The following ERI3 variants were observed in gnomAD, a reference collection of about 807,000 sequenced individuals.
The protein encoded by ERI3 is ERI1 exoribonuclease 3.
A neutral mutation model predicts 44.4 loss-of-function variants in ERI3; 18 were observed. That is an observed-to-expected ratio of 0.41 (90% CI 0.28 to 0.60). The LOEUF (loss-of-function observed/expected upper bound fraction) is 0.60, where lower values mean the gene tolerates loss of function less well. Ranked by LOEUF, ERI3 falls within the 20% of genes least tolerant of loss-of-function variation. ERI3 has a pLI of 0.36. For synonymous variants in ERI3, 183 were observed against 164.8 expected (o/e 1.11, Z -0.84); for missense variants, 294 against 435.5 (o/e 0.68, Z 2.89).
chr1:44,221,544 C>T lies in ERI3; in HGVS notation c.*14G>A, dbSNP rs866832331. ...AACAGCTACCCTGTCCTGCCCCATCCTGTCCTCGGCCAATCAGAACGGCTT... is the reference window on the plus strand; with the variant it reads ...AACAGCTACCCTGTCCTGCCCCATCTTGTCCTCGGCCAATCAGAACGGCTT... On this transcript the variant is annotated 3_prime_UTR_variant, in exon 9 of 9. Coordinates refer to ENST00000372257, the MANE Select transcript of ERI3 (RefSeq NM_024066.3). The surrounding 1 kb of genome is among the most constrained non-coding windows in gnomAD (Gnocchi z 5.9). 1.7e-5 allele frequency: 27 copies of T among 1,612,054 alleles called. No homozygotes were observed. In the Middle Eastern group the frequency reaches 6.6e-4, roughly 40 times the overall value.
At chr1:44,317,381 G>A (rs1325237413) in intron 4 of ERI3, among the ~76,000 whole-genome samples, 1 of 152,212 alleles carries the variant, frequency 6.6e-6, no homozygotes, top group Non-Finnish European at 1.5e-5. Flanking sequence ...GCCTCTCGGA[G>A]ATACAATTCC....
chr1:44,300,418 C>T (rs531404616), intron 6 of ERI3, among the ~76,000 whole-genome samples: 3 of 152,288 alleles, frequency 2.0e-5, no homozygotes, highest in Admixed American at 1.3e-4. Context: ...CTGTCTGCCA[C>T]GGAGGGGTTG....
chr1:44,245,097 G>A (rs79339259), intron 8 of ERI3, among the ~76,000 whole-genome samples: 1,850 of 152,256 alleles, frequency 0.012, 72 homozygotes, highest in East Asian at 0.069. Flanking sequence ...CTGACCCCCA[G>A]GGCTGGGAAG....
intron 2 of ERI3, among the ~76,000 whole-genome samples, chr1:44,349,051 T>C (rs1010446364): frequency 6.6e-5 from 10 of 152,236 alleles, no homozygotes; most frequent in Non-Finnish European, 2.9e-5. Flanking sequence ...GGAGGAATGC[T>C]GGTCACACTT....
chr1:44,254,098 A>G (rs1273291471), intron 7 of ERI3, among the ~76,000 whole-genome samples: 3 of 152,132 alleles, frequency 2.0e-5, no homozygotes, highest in Non-Finnish European at 4.4e-5. Context: ...CTTCTAGACT[A>G]TTCTTCCTCT....
chr1:44,281,924 G>GTA (rs1484681123), intron 7 of ERI3, among the ~76,000 whole-genome samples: 4 of 142,480 alleles, frequency 2.8e-5, no homozygotes, highest in Non-Finnish European at 6.0e-5. Context: ...GTGTGTGTGT[G>GTA]TGTATGTATT....
intron 6 of ERI3, among the ~76,000 whole-genome samples, chr1:44,307,267 C>T (rs1386789581): frequency 6.6e-6 from 1 of 152,128 alleles, no homozygotes; most frequent in Non-Finnish European, 1.5e-5. Flanking sequence ...GGGTACATAA[C>T]TTCACCTCAA....
intron 8 of ERI3, among the ~76,000 whole-genome samples, chr1:44,240,777 C>T (rs1160874121): frequency 6.6e-6 from 1 of 152,186 alleles, no homozygotes; most frequent in Non-Finnish European, 1.5e-5. Flanking sequence ...CCCAGTGGGG[C>T]CTAGGCCTGG....
intron 2 of ERI3, among the ~76,000 whole-genome samples, chr1:44,350,100 A>G (rs1646859301): frequency 6.6e-6 from 1 of 152,224 alleles, no homozygotes; most frequent in Non-Finnish European, 1.5e-5. Flanking sequence ...ATATAGAATG[A>G]GGACAATTTC....
chr1:44,320,952 G>C (rs751037922), intron 3 of ERI3, among the ~76,000 whole-genome samples: 3 of 152,132 alleles, frequency 2.0e-5, no homozygotes, highest in East Asian at 3.8e-4. Flanking sequence ...CCCTTCCCCA[G>C]GTCCTTCATT....
At chr1:44,263,596 T>A (rs569811128) in intron 7 of ERI3, among the ~76,000 whole-genome samples, 54 of 152,220 alleles carry the variant, frequency 3.5e-4, no homozygotes, top group African/African-American at 1.2e-3. Context: ...GCTTCCACAC[T>A]CTCTAAGCAA....
chr1:44,233,043 G>A (rs1222638643), intron 8 of ERI3, among the ~76,000 whole-genome samples: 1 of 152,030 alleles, frequency 6.6e-6, no homozygotes, highest in African/African-American at 2.4e-5. Context: ...GAAAAACCCA[G>A]ACTCTGCCTT....
chr1:44,330,188 A>C (rs905603308), intron 3 of ERI3, among the ~76,000 whole-genome samples: 1 of 152,126 alleles, frequency 6.6e-6, no homozygotes, highest in African/African-American at 2.4e-5. Flanking sequence ...CGGCTCCCCA[A>C]CTGTACCCCC....
chr1:44,284,917 A>T lies in ERI3; in HGVS notation c.759-10T>A. On this transcript the variant is annotated splice_polypyrimidine_tract_variant and intron_variant, in intron 6 of 8. Transcript: ENST00000372257. Reference sequence around the variant, plus strand: ...GCACTGGCCTGGGAGCCTACAAAAAAAAGGGAAGAGAGAACAAGTTGGGCG... The same window carrying T: ...GCACTGGCCTGGGAGCCTACAAAAATAAGGGAAGAGAGAACAAGTTGGGCG... 6.2e-7 allele frequency: 1 copy of T among 1,613,652 alleles called. No individual in the cohort carries two copies. The highest frequency in any genetic ancestry group is 8.5e-7 in the Non-Finnish European group (1 of 1,179,648).
intron 5 of ERI3, among the ~76,000 whole-genome samples, chr1:44,309,289 A>G (rs970933348): frequency 4.6e-5 from 7 of 151,850 alleles, no homozygotes; most frequent in African/African-American, 1.7e-4. Flanking sequence ...GAGGCCAGGA[A>G]TTTGAGACCA....
intron 7 of ERI3, among the ~76,000 whole-genome samples, chr1:44,259,286 T>G (rs1341161507): frequency 6.6e-6 from 1 of 150,900 alleles, no homozygotes; most frequent in Non-Finnish European, 1.5e-5. Context: ...CCTGGCTGCC[T>G]GGCTGACTGA....
rs1392013977 is a variant in ERI3, at chr1:44,304,294, GGTAA to G, written c.758+4012_758+4015del. 9.2e-5 allele frequency among the ~76,000 whole-genome samples: 14 copies of G among 152,184 alleles called. No individual in the cohort carries two copies. In the East Asian group the frequency reaches 2.7e-3, roughly 29 times the overall value. ...GCTATGGCAAAGACGAGATCACTCT[GGTAA>G]GTGTGAATGTGTAGAATAAACAGAA... On this transcript the variant is annotated intron_variant, in intron 6 of 8. Coordinates refer to ENST00000372257, the MANE Select transcript of ERI3 (RefSeq NM_024066.3).
intron 7 of ERI3, among the ~76,000 whole-genome samples, chr1:44,282,518 T>A (rs1207009092): frequency 6.6e-6 from 1 of 152,198 alleles, no homozygotes; most frequent in Non-Finnish European, 1.5e-5. Flanking sequence ...TTATCATTAC[T>A]CTTTTTAAGC....
chr1:44,310,954 CG>C (rs1645948033), intron 5 of ERI3, among the ~76,000 whole-genome samples: 1 of 69,016 alleles, frequency 1.4e-5, no homozygotes, highest in African/African-American at 6.5e-5. Flanking sequence ...GTGCACATCG[CG>C]CGCGCGCGCA....
Sources: gnomAD v4.1 joint callset for allele counts (sites outside exome capture counted in the v4.1 genomes callset) on GRCh38, gnomAD v4.1.1 for gene constraint, Gnocchi (gnomAD v3.1) non-coding constraint, MANE v1.5 for transcripts, NCBI Gene and HGNC (gene_info 2026-07-23, HGNC 2026-07-21) for gene names.